The following KCNN2 variants were observed in gnomAD, a reference collection of about 807,000 sequenced individuals.
KCNN2 encodes the protein small conductance calcium-activated potassium channel protein 2.
KCNN2 carries 24 observed loss-of-function variants against 55.5 expected under a neutral mutation model. The observed-to-expected ratio is 0.43, with a 90% confidence interval of 0.31 to 0.61. KCNN2 has a LOEUF of 0.61. Ranked by LOEUF, KCNN2 falls within the 20% of genes least tolerant of loss-of-function variation. The pLI is 0.08. For missense variants in KCNN2, 754 were observed against 853.6 expected, an observed-to-expected ratio of 0.88 and a Z score of 1.45; for synonymous variants, 431 against 336.1, an observed-to-expected ratio of 1.28 and a Z score of -3.09.
intron 3 of KCNN2, among the ~76,000 whole-genome samples, chr5:114,458,079 T>A (rs1287566206): frequency 5.3e-5 from 8 of 152,170 alleles, no homozygotes; most frequent in African/African-American, 1.9e-4. Context: ...TTCTTGTTGG[T>A]TTACACCTTT....
chr5:114,453,531 T>A (rs2150106962), intron 3 of KCNN2, among the ~76,000 whole-genome samples: 1 of 152,296 alleles, frequency 6.6e-6, no homozygotes, highest in African/African-American at 2.4e-5. Flanking sequence ...ATCTTCCCTT[T>A]AGAGATAGAT....
intron 2 of KCNN2, among the ~76,000 whole-genome samples, chr5:114,351,097 A>T (rs952668593): frequency 1.3e-5 from 2 of 151,726 alleles, no homozygotes; most frequent in African/African-American, 4.8e-5. Context: ...CATAGATTGT[A>T]TCTTCATTAA....
At chr5:114,205,187 A>T (rs1376536580) in intron 1 of KCNN2, among the ~76,000 whole-genome samples, 2 of 152,186 alleles carry the variant, frequency 1.3e-5, no homozygotes, top group East Asian at 1.9e-4. Flanking sequence ...TGCAACACAA[A>T]CTGCTAATAG....
At chr5:114,414,127 A>T (rs917615049) in intron 3 of KCNN2, among the ~76,000 whole-genome samples, 1 of 152,080 alleles carries the variant, frequency 6.6e-6, no homozygotes, top group Non-Finnish European at 1.5e-5. Flanking sequence ...TTTTAATTTT[A>T]TACTCTTTAT....
chr5:114,377,921 A>G (rs1432347118), intron 2 of KCNN2, among the ~76,000 whole-genome samples: 1 of 152,188 alleles, frequency 6.6e-6, no homozygotes, highest in Non-Finnish European at 1.5e-5. Flanking sequence ...TGTCATTGTT[A>G]CTACTCTTCT....
At chr5:114,354,765 A>G (rs575390435) in intron 2 of KCNN2, among the ~76,000 whole-genome samples, 1 of 152,290 alleles carries the variant, frequency 6.6e-6, no homozygotes, top group East Asian at 1.9e-4. Context: ...TGTTGTATTT[A>G]TTAAATAGTA....
intron 5 of KCNN2, chr5:114,486,731 A>T (rs981350053): frequency 7.7e-7 from 1 of 1,295,252 alleles, no homozygotes; most frequent in African/African-American, 1.5e-5. Context: ...CAATTGCAAT[A>T]CACGGTGGAG....
At chr5:114,254,513 C>G (rs1754943240) in intron 2 of KCNN2, among the ~76,000 whole-genome samples, 1 of 152,134 alleles carries the variant, frequency 6.6e-6, no homozygotes, top group Non-Finnish European at 1.5e-5. Flanking sequence ...GCAGAAAGGT[C>G]TTCAAAAACT....
chr5:114,131,110 ATTTAT>A (rs908952449), intron 1 of KCNN2, among the ~76,000 whole-genome samples: 5 of 151,966 alleles, frequency 3.3e-5, no homozygotes, highest in South Asian at 2.1e-4. Flanking sequence ...GAAAGCTCTT[ATTTAT>A]TTTATTTTAT....
intron 2 of KCNN2, among the ~76,000 whole-genome samples, chr5:114,345,260 G>T (rs998374104): frequency 6.6e-6 from 1 of 152,156 alleles, no homozygotes; most frequent in Non-Finnish European, 1.5e-5. Flanking sequence ...ATATACATGT[G>T]TCAACTTCCT....
At chr5:114,395,576 A>AT in intron 2 of KCNN2, among the ~76,000 whole-genome samples, 1 of 152,324 alleles carries the variant, frequency 6.6e-6, no homozygotes, top group South Asian at 2.1e-4. Context: ...GATCATATAT[A>AT]TTGTTAAGAT....
chr5:114,238,014 A>G (rs1308376804), intron 2 of KCNN2, among the ~76,000 whole-genome samples: 1 of 152,200 alleles, frequency 6.6e-6, no homozygotes, highest in Non-Finnish European at 1.5e-5. Context: ...AAACCAAGTC[A>G]CGTGGCTTCA....
At chr5:114,169,626 C>A (rs1288383802) in intron 1 of KCNN2, among the ~76,000 whole-genome samples, 1 of 152,036 alleles carries the variant, frequency 6.6e-6, no homozygotes, top group Non-Finnish European at 1.5e-5. Context: ...TGTACTGTAA[C>A]CTCTTGGTTG....
chr5:114,229,641 G>C (rs540622160), intron 2 of KCNN2, among the ~76,000 whole-genome samples: 1 of 151,912 alleles, frequency 6.6e-6, no homozygotes, highest in African/African-American at 2.4e-5. Flanking sequence ...GTGTATTATA[G>C]ATGTTAATAT....
At chr5:114,409,419 C>CT (rs1033097247) in intron 3 of KCNN2, among the ~76,000 whole-genome samples, 1 of 151,860 alleles carries the variant, frequency 6.6e-6, no homozygotes, top group African/African-American at 2.4e-5. Flanking sequence ...TTTTCTGACC[C>CT]TTTTTTTTCC....
At chr5:114,108,044 A>G (rs1172148214) in intron 1 of KCNN2, among the ~76,000 whole-genome samples, 3 of 151,972 alleles carry the variant, frequency 2.0e-5, no homozygotes, top group Admixed American at 2.0e-4. Context: ...ATTAATTTGT[A>G]TTTTATGTTA....
intron 1 of KCNN2, among the ~76,000 whole-genome samples, chr5:114,121,682 C>T (rs1419631077): frequency 6.6e-6 from 1 of 152,212 alleles, no homozygotes. Context: ...CATTTTTAGA[C>T]TGTGGCTCTG....
intron 2 of KCNN2, among the ~76,000 whole-genome samples, chr5:114,371,634 A>G (rs960302982): frequency 6.6e-6 from 1 of 152,172 alleles, no homozygotes; most frequent in Non-Finnish European, 1.5e-5. Flanking sequence ...TTTTAGCATA[A>G]AAGAATAAGT....
chr5:114,296,736 G>T (rs1756019385), intron 2 of KCNN2, among the ~76,000 whole-genome samples: 1 of 152,150 alleles, frequency 6.6e-6, no homozygotes, highest in African/African-American at 2.4e-5. Flanking sequence ...GCATTTAAAA[G>T]TTAAGCTAAG....
Sources: gnomAD v4.1 joint callset for allele counts (sites outside exome capture counted in the v4.1 genomes callset) on GRCh38, gnomAD v4.1.1 for gene constraint, MANE v1.5 for transcripts, NCBI Gene and HGNC (gene_info 2026-07-23, HGNC 2026-07-21) for gene names.